The following IL1R1 variants were observed in gnomAD, a reference collection of about 807,000 sequenced individuals.
The protein encoded by IL1R1 is interleukin 1 receptor type 1, also known as interleukin-1 receptor type 1.
IL1R1 carries 22 observed loss-of-function variants against 50.2 expected under a neutral mutation model. The observed-to-expected ratio is 0.44, with a 90% CI of 0.31 to 0.63. The LOEUF (loss-of-function observed/expected upper bound fraction) is 0.63. IL1R1 is among the 20% of genes least tolerant of loss of function. The probability of loss-of-function intolerance (pLI) is 0.07; values close to 1 mark genes in which losing one functional copy is unlikely to be tolerated. For synonymous variants in IL1R1, 251 were observed against 236.7 expected (o/e 1.06, Z -0.55); for missense variants, 509 against 676.2 (o/e 0.75, Z 2.74).
intron 1 of IL1R1, among the ~76,000 whole-genome samples, chr2:102,110,645 G>T (rs1251594477): frequency 6.6e-6 from 1 of 151,354 alleles, no homozygotes; most frequent in Non-Finnish European, 1.5e-5. Context: ...GGTCTCTCGT[G>T]GCAAATACAA....
chr2:102,128,462 T>A (rs1286646734), intron 1 of IL1R1, among the ~76,000 whole-genome samples: 1 of 152,234 alleles, frequency 6.6e-6, no homozygotes, highest in African/African-American at 2.4e-5. Flanking sequence ...ATCATCTCTA[T>A]CATTGACTAT....
chr2:102,174,648 T>C lies in IL1R1; in HGVS notation c.1053T>C (p.Cys351=). Residue 351 remains cysteine (C), a synonymous_variant, in exon 10 of 12, where the codon TGT becomes TGC. Coordinates refer to ENST00000410023, the MANE Select transcript of IL1R1 (RefSeq NM_000877.4). ...TCACGTTGACAGTCATAATTGTGTG[T>C]TCTGTTTTCATCTATAAAATCTTCA... ...ICVTLTVIIV[C]SVFIYKIFKI... is the part of the protein sequence containing the mutation. 6.2e-7 allele frequency: 1 copy of C among 1,612,354 alleles called. No individual in the cohort carries two copies. Among genetic ancestry groups the C allele is most frequent in the Non-Finnish European group, 8.5e-7 (1 of 1,179,098 alleles).
chr2:102,082,860 T>C (rs1275625159), intron 1 of IL1R1, among the ~76,000 whole-genome samples: 1 of 152,164 alleles, frequency 6.6e-6, no homozygotes, highest in African/African-American at 2.4e-5. Flanking sequence ...TGTTAAGAGT[T>C]TTAAAATTTT....
chr2:102,107,237 C>G (rs1030739195), intron 1 of IL1R1, among the ~76,000 whole-genome samples: 2 of 151,916 alleles, frequency 1.3e-5, no homozygotes, highest in African/African-American at 2.4e-5. Flanking sequence ...GACTTGGAAC[C>G]AACCCAAATG....
chr2:102,103,033 A>G (rs1248192476), upstream of IL1R1, among the ~76,000 whole-genome samples: 1 of 152,094 alleles, frequency 6.6e-6, no homozygotes, highest in East Asian at 1.9e-4. Flanking sequence ...GATTGAAACT[A>G]CCTATAGGGT....
intron 1 of IL1R1, among the ~76,000 whole-genome samples, chr2:102,073,408 G>A (rs1487130166): frequency 1.3e-5 from 2 of 152,182 alleles, no homozygotes; most frequent in African/African-American, 4.8e-5. Flanking sequence ...GGAAAGAGAG[G>A]CCATGGCCCC....
intron 1 of IL1R1, among the ~76,000 whole-genome samples, chr2:102,092,525 G>A (rs981638876): frequency 2.0e-5 from 3 of 152,038 alleles, no homozygotes; most frequent in African/African-American, 2.4e-5. Flanking sequence ...AGAAATCTAT[G>A]TTTCTTAAGT....
intron 1 of IL1R1, among the ~76,000 whole-genome samples, chr2:102,107,139 C>T (rs1235422917): frequency 6.6e-6 from 1 of 152,192 alleles, no homozygotes; most frequent in Non-Finnish European, 1.5e-5. Context: ...CCAACTCTCT[C>T]ATCAGCATTG....
rs1245400918 is a variant in IL1R1, at chr2:102,174,610, A to T, written c.1015A>T (p.Ile339Phe). The T allele has an allele frequency of 1.3e-6, 2 of 1,586,968 alleles. No homozygotes were observed. Among genetic ancestry groups the T allele is most frequent in the African/African-American group, 2.7e-5 (2 of 73,436 alleles). The change falls in exon 10 of 12, where the codon ATT (isoleucine) becomes TTT (phenylalanine). Residue 339 changes from isoleucine (I) to phenylalanine (F), a missense_variant. Ile to Phe is a conservative substitution (Grantham distance 21). Transcript: ENST00000410023. ...AGTCACTAATTTCCAGAAGCACATG[A>T]TTGGTATATGTGTCACGTTGACAGT... ...YPVTNFQKHM[I>F]GICVTLTVII...
chr2:102,113,513 C>T (rs973631338), intron 1 of IL1R1, among the ~76,000 whole-genome samples: 2 of 152,174 alleles, frequency 1.3e-5, no homozygotes, highest in Admixed American at 1.3e-4. Context: ...CATGATTGTG[C>T]CCCCTGAATA....
At chr2:102,135,910 T>C (rs145294580) in intron 1 of IL1R1, among the ~76,000 whole-genome samples, 87 of 152,312 alleles carry the variant, frequency 5.7e-4, no homozygotes, top group Middle Eastern at 3.4e-3. Flanking sequence ...AATAGTCATG[T>C]TTCCAGAGGC....
At chr2:102,088,497 G>A (rs970978680) in intron 1 of IL1R1, among the ~76,000 whole-genome samples, 1 of 152,046 alleles carries the variant, frequency 6.6e-6, no homozygotes, top group South Asian at 2.1e-4. Context: ...AAACAGATGT[G>A]CTGTCATTCA....
intron 3 of IL1R1, among the ~76,000 whole-genome samples, chr2:102,160,264 C>CT (rs554699980): frequency 2.0e-5 from 3 of 151,834 alleles, no homozygotes; most frequent in Middle Eastern, 3.4e-3. Context: ...GATGTCATCT[C>CT]TTTTTTTTCC....
rs372329859 is a variant in IL1R1, at chr2:102,108,195, C to T, written c.-84+3323C>T. ...GCTGAAATTTTGTCGTCTTCTAATT[C>T]TAAACTTGGGAAGTGTGTGTGTGTG... is the stretch of plus-strand genomic sequence containing the variant. On this transcript the variant is annotated intron_variant, in intron 1 of 10. Transcript: ENST00000409329. Among the ~76,000 whole-genome samples the T allele has an allele frequency of 3.1e-4, 47 of 150,780 alleles. 1 individual carries two copies. In the East Asian group the frequency reaches 7.3e-3, roughly 23 times the overall value.
At chr2:102,123,543 AG>A (rs1002980960) in intron 1 of IL1R1, among the ~76,000 whole-genome samples, 2 of 152,216 alleles carry the variant, frequency 1.3e-5, no homozygotes, top group Non-Finnish European at 2.9e-5. Flanking sequence ...TGGGAGGCCA[AG>A]GCAGACAGAT....
chr2:102,113,517 C>T (rs1680896430), intron 1 of IL1R1, among the ~76,000 whole-genome samples: 3 of 152,198 alleles, frequency 2.0e-5, no homozygotes, highest in Admixed American at 6.5e-5. Flanking sequence ...ATTGTGCCCC[C>T]TGAATATTGA....
chr2:102,080,071 C>A lies in IL1R1; in HGVS notation c.-84+9538C>A, dbSNP rs573831815. Among the ~76,000 whole-genome samples the A allele has an allele frequency of 1.1e-4, 17 of 152,148 alleles. No individual in the cohort carries two copies. The South Asian group carries it at 3.5e-3, about 32-fold the overall frequency. On this transcript the variant is annotated intron_variant, in intron 1 of 11. Coordinates refer to the IL1R1 transcript ENST00000409929. Reference sequence around the variant, plus strand: ...ATTTGCATCTCTATCTCATACTGTACACAAAAATTTACTCAAAAAGCAATC... The same window carrying A: ...ATTTGCATCTCTATCTCATACTGTAAACAAAAATTTACTCAAAAAGCAATC...
At chr2:102,083,752 T>G (rs1333350418) in intron 1 of IL1R1, among the ~76,000 whole-genome samples, 1 of 152,130 alleles carries the variant, frequency 6.6e-6, no homozygotes, top group Non-Finnish European at 1.5e-5. Context: ...AAGACCAGCC[T>G]GACCAATATG....
chr2:102,119,199 A>G (rs1681267509), intron 1 of IL1R1, among the ~76,000 whole-genome samples: 1 of 152,180 alleles, frequency 6.6e-6, no homozygotes, highest in Non-Finnish European at 1.5e-5. Flanking sequence ...TTAGGTGGTA[A>G]CTTCTCTTCG....
Sources: gnomAD v4.1 joint callset for allele counts (sites outside exome capture counted in the v4.1 genomes callset) on GRCh38, gnomAD v4.1.1 for gene constraint, MANE v1.5 for transcripts, NCBI Gene and HGNC (gene_info 2026-07-23, HGNC 2026-07-21) for gene names.